Variants in STAG1 observed in about 807,000 individuals in gnomAD.
STAG1 encodes STAG1 cohesin complex component, also known as cohesin subunit SA-1.
A neutral mutation model predicts 170.9 loss-of-function variants in STAG1; 26 were observed. The observed-to-expected ratio is 0.15, with a 90% CI of 0.11 to 0.21. The LOEUF (loss-of-function observed/expected upper bound fraction) is 0.21. Ranked by LOEUF, STAG1 falls within the 10% of genes least tolerant of loss-of-function variation. The pLI, the probability that STAG1 is intolerant of heterozygous loss-of-function variation, is 1.00. For synonymous variants in STAG1, 514 were observed against 497.7 expected, an observed-to-expected ratio of 1.03 and a Z score of -0.44; for missense variants, 964 against 1,509.5, an observed-to-expected ratio of 0.64 and a Z score of 5.99.
intron 21 of STAG1, among the ~76,000 whole-genome samples, chr3:136,401,224 T>C (rs1560088911): frequency 6.6e-6 from 1 of 152,200 alleles, no homozygotes; most frequent in Non-Finnish European, 1.5e-5. Flanking sequence ...ATATCAATAT[T>C]ATTAGGTATG....
intron 29 of STAG1, among the ~76,000 whole-genome samples, chr3:136,345,904 C>G (rs575236591): frequency 2.6e-5 from 4 of 152,316 alleles, no homozygotes; most frequent in Non-Finnish European, 4.4e-5. Context: ...ACTACTCAAT[C>G]TCTTCTTAGT....
intron 6 of STAG1, among the ~76,000 whole-genome samples, chr3:136,531,934 G>A (rs1024260529): frequency 6.8e-6 from 1 of 148,064 alleles, no homozygotes; most frequent in African/African-American, 2.5e-5. Context: ...AGAGTAGTAA[G>A]GTTTCAAAGT....
chr3:136,462,170 T>A (rs1406122211), intron 13 of STAG1, among the ~76,000 whole-genome samples: 3 of 152,130 alleles, frequency 2.0e-5, no homozygotes, highest in African/African-American at 7.2e-5. Context: ...ATCTACCATA[T>A]GATCAAGCAA....
intron 4 of STAG1, among the ~76,000 whole-genome samples, chr3:136,594,839 C>A (rs1938347085): frequency 6.6e-6 from 1 of 152,138 alleles, no homozygotes. Flanking sequence ...GGCACAATCA[C>A]AGCTCACTGC....
At chr3:136,361,122 T>A (rs1936848065) in intron 26 of STAG1, among the ~76,000 whole-genome samples, 1 of 152,230 alleles carries the variant, frequency 6.6e-6, no homozygotes, top group African/African-American at 2.4e-5. Flanking sequence ...CAAATACCAT[T>A]ATTCTCTCCA....
rs142811874 is a variant in STAG1 at position 136,652,063 on chromosome 3, G to T, written c.-83-21082C>A. Among the ~76,000 whole-genome samples the T allele has an allele frequency of 9.2e-4, 140 of 152,304 alleles. No homozygotes were observed. In the South Asian group the frequency reaches 0.011, roughly 11 times the overall value. On this transcript the variant is annotated intron_variant, in intron 1 of 33. Transcript: ENST00000383202. ...AAAGTCTCAGAAGAAAGTTTCAGGA[G>T]CTAAGGCCTTCTTGTGCATAAAAGC...
At chr3:136,749,979 A>C (rs1278279294) in intron 1 of STAG1, among the ~76,000 whole-genome samples, 1 of 151,948 alleles carries the variant, frequency 6.6e-6, no homozygotes, top group Non-Finnish European at 1.5e-5. Flanking sequence ...AAAACAACAA[A>C]TAAAAGGGGA....
chr3:136,477,237 T>C, intron 10 of STAG1, 52 bp downstream of exon 10: 1 of 1,536,454 alleles, frequency 6.5e-7, no homozygotes, highest in African/African-American at 1.4e-5. Flanking sequence ...CCCAGCATTT[T>C]AGTACTGAGA....
chr3:136,691,743 T>C (rs184603882), intron 1 of STAG1, among the ~76,000 whole-genome samples: 63 of 152,342 alleles, frequency 4.1e-4, no homozygotes, highest in Admixed American at 5.9e-4. Context: ...AGAAATCTTA[T>C]GACATTTCGC....
chr3:136,694,685 A>G (rs965650475), intron 1 of STAG1, among the ~76,000 whole-genome samples: 2 of 152,100 alleles, frequency 1.3e-5, no homozygotes, highest in African/African-American at 4.8e-5. Flanking sequence ...AGTCAGCAAA[A>G]TGACAAGGGA....
intron 26 of STAG1, among the ~76,000 whole-genome samples, chr3:136,361,572 T>C (rs960354548): frequency 3.3e-5 from 5 of 152,176 alleles, no homozygotes; most frequent in Non-Finnish European, 5.9e-5. Flanking sequence ...TGCCAATCTG[T>C]TGAGCAGTAA....
At chr3:136,696,891 A>C (rs1942911744) in intron 1 of STAG1, among the ~76,000 whole-genome samples, 1 of 152,194 alleles carries the variant, frequency 6.6e-6, no homozygotes, top group Non-Finnish European at 1.5e-5. Context: ...ATGATCAAAA[A>C]GGGTATGAGG....
chr3:136,569,033 G>A (rs1177377675), intron 4 of STAG1, among the ~76,000 whole-genome samples, 172 bp from the exon 5 acceptor site: 1 of 151,888 alleles, frequency 6.6e-6, no homozygotes, highest in East Asian at 1.9e-4. Context: ...TATTTTTAAA[G>A]GCCAATAAAA....
chr3:136,615,638 C>T (rs1367517495), intron 3 of STAG1, among the ~76,000 whole-genome samples: 1 of 150,586 alleles, frequency 6.6e-6, no homozygotes, highest in African/African-American at 2.4e-5. Context: ...ATTATCCGGG[C>T]GTGATGGTGG....
chr3:136,443,284 T>C lies in STAG1; in HGVS notation c.1546+3A>G, dbSNP rs776171105. 5 of 1,591,668 alleles carry C rather than the reference T, an allele frequency of 3.1e-6. No individual in the cohort carries two copies. Among genetic ancestry groups the C allele is most frequent in the Non-Finnish European group, 4.3e-6 (5 of 1,160,948 alleles). On this transcript the variant is annotated splice_donor_region_variant and intron_variant, in intron 15 of 33. Coordinates refer to ENST00000383202, the MANE Select transcript of STAG1 (RefSeq NM_005862.3). ...TGTAAATTAACTTGTCAAAATACTA[T>C]ACCTTCCTCTCCTTGAACAGGTTCT...
chr3:136,679,678 G>A (rs946462932), intron 1 of STAG1, among the ~76,000 whole-genome samples: 2 of 150,454 alleles, frequency 1.3e-5, no homozygotes, highest in Admixed American at 1.3e-4. Flanking sequence ...GCAGTGAGCC[G>A]AGATAGTGCC....
chr3:136,620,800 A>G (rs1939809427), intron 3 of STAG1, among the ~76,000 whole-genome samples: 1 of 152,340 alleles, frequency 6.6e-6, no homozygotes, highest in East Asian at 1.9e-4. Flanking sequence ...ACATTTTTTC[A>G]ATACTGTAAA....
At chr3:136,710,503 G>C (rs535746932) in intron 1 of STAG1, among the ~76,000 whole-genome samples, 1 of 152,018 alleles carries the variant, frequency 6.6e-6, no homozygotes, top group South Asian at 2.1e-4. Flanking sequence ...AAGCCTACCC[G>C]GTACTTTGCT....
Position 136,623,215 on chromosome 3 carries a change from A to G in STAG1, c.63T>C (p.Asp21=), listed in dbSNP as rs1460672075. Residue 21 remains aspartate (D), a synonymous_variant, in exon 3 of 34, where the codon GAT becomes GAC. Transcript: ENST00000383202. ...DSTNETTAHS[D]AGSELEETEV... ...CTGTTTCTTCAAGCTCGCTGCCAGC[A>G]TCGGAATGGGCAGTAGTTTCATTAG... 5 of 1,613,712 alleles carry G rather than the reference A, an allele frequency of 3.1e-6. No individual in the cohort carries two copies. In the South Asian group the frequency reaches 4.4e-5, roughly 14 times the overall value.
Sources: gnomAD v4.1 joint callset for allele counts (sites outside exome capture counted in the v4.1 genomes callset) on GRCh38, gnomAD v4.1.1 for gene constraint, MANE v1.5 for transcripts, NCBI Gene and HGNC (gene_info 2026-07-23, HGNC 2026-07-21) for gene names.